Variants in WAPL observed in about 807,000 individuals in gnomAD.
WAPL encodes the protein wings apart-like protein homolog.
A neutral mutation model predicts 121.0 loss-of-function variants in WAPL; 5 were observed. The ratio of observed to expected loss-of-function variants is 0.04; its 90% CI spans 0.02 to 0.09. The LOEUF (loss-of-function observed/expected upper bound fraction) is 0.09, where lower values mean the gene tolerates loss of function less well. Among genes scored for constraint, WAPL ranks in the 10% least tolerant of loss-of-function variants. The pLI is 1.00. For synonymous variants in WAPL, 480 were observed against 481.5 expected, an observed-to-expected ratio of 1.00 and a Z score of 0.04; for missense variants, 999 against 1,410.8, an observed-to-expected ratio of 0.71 and a Z score of 4.68.
chr10:86,492,104 T>C (rs988189343), intron 4 of WAPL, among the ~76,000 whole-genome samples: 1 of 152,252 alleles, frequency 6.6e-6, no homozygotes, highest in Non-Finnish European at 1.5e-5. Context: ...TTAAGTGAGA[T>C]CATGCCGTTT....
chr10:86,483,360 C>T (rs2132204951), intron 4 of WAPL, among the ~76,000 whole-genome samples: 1 of 151,250 alleles, frequency 6.6e-6, no homozygotes, highest in South Asian at 2.1e-4. Context: ...GCGGAGGTTG[C>T]GGTAAGCTGA....
chr10:86,453,642 GA>G lies in WAPL; in HGVS notation c.2833+13del, dbSNP rs758769826. 3.8e-6 allele frequency: 6 copies of G among 1,587,386 alleles called. No individual in the cohort carries two copies. The Admixed American group carries it at 5.6e-5, about 15-fold the overall frequency. On this transcript the variant is annotated intron_variant, in intron 13 of 18. Transcript: ENST00000298767. Reference sequence around the variant, plus strand: ...TACATCTTTCAATGAGAAAAAAATGGAAAAAAATCTTACCATTATCATTAGT... The same window carrying G: ...TACATCTTTCAATGAGAAAAAAATGGAAAAAATCTTACCATTATCATTAGT...
At chr10:86,457,327 TA>T (rs10668599) in intron 12 of WAPL, among the ~76,000 whole-genome samples, 43 of 111,192 alleles carry the variant, frequency 3.9e-4, no homozygotes, top group Non-Finnish European at 4.6e-4. Context: ...CTGTATCTAT[TA>T]AAAAAAAAAA....
intron 17 of WAPL, among the ~76,000 whole-genome samples, chr10:86,442,269 T>C (rs1286419341): frequency 6.6e-6 from 1 of 152,194 alleles, no homozygotes; most frequent in Non-Finnish European, 1.5e-5. Context: ...TAACCTCAAG[T>C]GATCTGCCCA....
rs1274100333 is a variant in WAPL at position 86,472,515 on chromosome 10, G to A, written c.1893+97C>T. On this transcript the variant is annotated intron_variant, in intron 6 of 18. Coordinates refer to ENST00000298767, the MANE Select transcript of WAPL (RefSeq NM_015045.5). The surrounding 1 kb of genome is among the most constrained non-coding windows in gnomAD (Gnocchi z 4.2). ...AAAGAAGTTTGTGGTTCAAAACTGA[G>A]TATCAGTATACTGATATTTGTTGAA... 2 of 1,515,462 alleles carry A rather than the reference G, an allele frequency of 1.3e-6. No individual in the cohort carries two copies. Among genetic ancestry groups the A allele is most frequent in the Non-Finnish European group, 1.8e-6 (2 of 1,122,470 alleles). 93.9% of individuals were successfully genotyped at this position (1,515,462 alleles called of 1,614,324 possible).
In WAPL at chr10:86,438,094, A is replaced by G. The variant is rs560911299; in HGVS notation, c.3412-79T>C. 1.9e-5 allele frequency: 21 copies of G among 1,085,510 alleles called. No individual in the cohort carries two copies. In the East Asian group the frequency reaches 5.0e-4, roughly 26 times the overall value. The allele number at this position is 1,085,510 out of a possible 1,614,324, so 67.2% of individuals were successfully genotyped here. On this transcript the variant is annotated intron_variant, in intron 17 of 18. Coordinates refer to ENST00000298767, the MANE Select transcript of WAPL (RefSeq NM_015045.5). ...ACCTCGTACAATGTTGTTGGTTTTGACACACATCTTGGTGCAAATTTTTAA... is the reference window on the plus strand; with the variant it reads ...ACCTCGTACAATGTTGTTGGTTTTGGCACACATCTTGGTGCAAATTTTTAA...
At chr10:86,451,820 G>A in intron 15 of WAPL, 147 bp downstream of exon 15, 3 of 766,012 alleles carry the variant, frequency 3.9e-6, no homozygotes, top group Non-Finnish European at 6.2e-6. Flanking sequence ...CATGCTTCAG[G>A]AGTTCTAACT....
chr10:86,440,349 G>A (rs1401389180), intron 17 of WAPL, among the ~76,000 whole-genome samples: 3 of 151,176 alleles, frequency 2.0e-5, no homozygotes. Context: ...ATGCAGTGGT[G>A]CGATCTCCAC....
chr10:86,443,594 A>T, intron 16 of WAPL: 1 of 452,156 alleles, frequency 2.2e-6, no homozygotes, highest in Non-Finnish European at 3.9e-6. Flanking sequence ...TGCAAAGGAC[A>T]CAATTAACAA....
At chr10:86,500,779 G>C (rs1424527498) in intron 2 of WAPL, 36 bp from the exon 3 acceptor site, 1 of 1,479,072 alleles carries the variant, frequency 6.8e-7, no homozygotes, top group Non-Finnish European at 9.0e-7. Context: ...AACATGAGTG[G>C]TATCAACATA....
intron 2 of WAPL, among the ~76,000 whole-genome samples, chr10:86,504,231 A>G (rs1056804032): frequency 1.3e-5 from 2 of 151,836 alleles, no homozygotes; most frequent in African/African-American, 2.4e-5. Context: ...ATTAAAATAT[A>G]TATCTATAAT....
At chr10:86,498,963 C>A (rs1185879626) in intron 3 of WAPL, among the ~76,000 whole-genome samples, 1 of 152,128 alleles carries the variant, frequency 6.6e-6, no homozygotes, top group African/African-American at 2.4e-5. Context: ...TAGTTTTTAG[C>A]CAACCACAAA....
chr10:86,435,879 C>G lies in WAPL; in HGVS notation c.*1664G>C, dbSNP rs1589483152. On this transcript the variant is annotated 3_prime_UTR_variant, in exon 19 of 19. Transcript: ENST00000298767. ...TTTTGCATTTTAAAATAAAATATAA[C>G]TAATTTAATTTTACGGGTATCATTT... 2.0e-5 allele frequency: 3 copies of G among 152,102 alleles called. No homozygotes were observed. The South Asian group carries it at 6.2e-4, about 32-fold the overall frequency. The allele number at this position is 152,102 out of a possible 1,614,324, so 9.4% of individuals were successfully genotyped here. A position where few individuals can be genotyped will look rare whatever the true frequency, so the allele number is the denominator to read the frequency against.
chr10:86,456,396 T>C (rs1394096494), intron 12 of WAPL, among the ~76,000 whole-genome samples: 3 of 144,774 alleles, frequency 2.1e-5, no homozygotes, highest in Non-Finnish European at 4.5e-5. Flanking sequence ...TTAAAAACTT[T>C]ATGATACCAA....
Position 86,500,315 on chromosome 10 carries a change from T to G in WAPL, c.928A>C (p.Asn310His). The change falls in exon 3 of 19, where the codon AAT becomes CAT. Residue 310 changes from asparagine (N) to histidine (H), a missense_variant. Transcript: ENST00000298767. The stretch of plus-strand genomic sequence containing the variant: ...GTGCCGTCCATCAGCTTATCAAAAT[T>G]TGATGCTCCTTGGGAGGATTTCGTT... The part of the protein sequence containing the change: ...NKTKSSQGAS[N>H]FDKLMDGTSQ... 1 of 1,614,242 alleles carries G rather than the reference T, an allele frequency of 6.2e-7. No homozygotes were observed. Among genetic ancestry groups the G allele is most frequent in the Admixed American group, 1.7e-5 (1 of 60,028 alleles).
chr10:86,464,831 C>T lies in WAPL; in HGVS notation c.2370+2448G>A, dbSNP rs374373738. Among the ~76,000 whole-genome samples, 46 of 152,200 alleles carry T rather than the reference C, an allele frequency of 3.0e-4. 1 individual carries two copies. The highest frequency in any genetic ancestry group is 2.5e-3 in the East Asian group (13 of 5,186). ...GGCCTGGGTGACAGGGGCAAGACTT[C>T]GTCTCAAAAAAACAAACAAACAAAC... is the stretch of plus-strand genomic sequence containing the variant. On this transcript the variant is annotated intron_variant, in intron 9 of 18. Transcript: ENST00000298767.
intron 4 of WAPL, among the ~76,000 whole-genome samples, chr10:86,483,521 T>C (rs1841844280): frequency 6.6e-6 from 1 of 152,136 alleles, no homozygotes; most frequent in Non-Finnish European, 1.5e-5. Context: ...ATGTATTTAC[T>C]ATATTTTAAC....
In WAPL at chr10:86,497,276, A is replaced by C; in HGVS notation, c.1569T>G (p.Ser523Arg). 6.2e-7 allele frequency: 1 copy of C among 1,612,754 alleles called. No individual in the cohort carries two copies. The highest frequency in any genetic ancestry group is 8.5e-7 in the Non-Finnish European group (1 of 1,179,704). Residue 523 changes from serine to arginine, a missense_variant, in exon 4 of 19, where the codon AGT (serine) becomes AGG (arginine). By Grantham distance (110) the Ser-to-Arg change is moderately radical. Coordinates refer to ENST00000298767, the MANE Select transcript of WAPL (RefSeq NM_015045.5). ...CTTGTTTATTTATGGGCTTCTTCACACTTTCAGGCACACCAGGCAAGTCCT... is the reference window on the plus strand; with the variant it reads ...CTTGTTTATTTATGGGCTTCTTCACCCTTTCAGGCACACCAGGCAAGTCCT... ...FTEDLPGVPESVKKPINKQGD... is the reference protein window; with the variant it reads ...FTEDLPGVPERVKKPINKQGD...
At chr10:86,443,606 C>A in intron 16 of WAPL, 1 of 437,780 alleles carries the variant, frequency 2.3e-6, no homozygotes, top group Non-Finnish European at 4.1e-6. Context: ...AATTAACAAA[C>A]TGAAAAGATT....
Sources: gnomAD v4.1 joint callset for allele counts (sites outside exome capture counted in the v4.1 genomes callset) on GRCh38, gnomAD v4.1.1 for gene constraint, Gnocchi (gnomAD v3.1) non-coding constraint, MANE v1.5 for transcripts, NCBI Gene and HGNC (gene_info 2026-07-23, HGNC 2026-07-21) for gene names.